ADAR: variants seen among roughly 807,000 people sequenced by gnomAD.
ADAR encodes double-stranded RNA-specific adenosine deaminase.
ADAR carries 41 observed loss-of-function variants against 113.2 expected under a neutral mutation model. The observed-to-expected ratio is 0.36, with a 90% confidence interval of 0.28 to 0.47. ADAR has a LOEUF of 0.47. Ranked by LOEUF, ADAR falls within the 20% of genes least tolerant of loss-of-function variation. ADAR has a pLI of 1.00. For missense variants in ADAR, 1,242 were observed against 1,540.9 expected (o/e 0.81, Z 3.25); for synonymous variants, 605 against 572.6 (o/e 1.06, Z -0.81).
chr1:154,614,709 C>T (rs1490626737), intron 1 of ADAR, among the ~76,000 whole-genome samples: 1 of 152,178 alleles, frequency 6.6e-6, no homozygotes, highest in African/African-American at 2.4e-5. Context: ...TCTTAATTGA[C>T]CAGTTTTTAT....
At chr1:154,616,069 G>A (rs184964942) in intron 1 of ADAR, among the ~76,000 whole-genome samples, 12 of 152,272 alleles carry the variant, frequency 7.9e-5, no homozygotes, top group Non-Finnish European at 1.8e-4. Flanking sequence ...AGCAATTAAG[G>A]GGGGAGGGGG....
intron 1 of ADAR, among the ~76,000 whole-genome samples, chr1:154,620,258 T>C (rs1698751358): frequency 6.6e-6 from 1 of 152,004 alleles, no homozygotes; most frequent in South Asian, 2.1e-4. Context: ...AATACAAACA[T>C]TAGCTGGGCA....
intron 13 of ADAR, 75 bp downstream of exon 13, chr1:154,585,678 T>A: frequency 7.7e-7 from 1 of 1,290,552 alleles, no homozygotes; most frequent in Non-Finnish European, 1.1e-6. Context: ...GCCCACAGTG[T>A]ACATTTTTCC....
chr1:154,598,110 C>A, intron 3 of ADAR, 134 bp from the exon 4 acceptor site: 1 of 1,059,246 alleles, frequency 9.4e-7, no homozygotes, highest in Non-Finnish European at 1.4e-6. Flanking sequence ...GTTAAAGGGG[C>A]TGCTGGAGCT....
At chr1:154,587,621 G>C (rs1471550700) in intron 11 of ADAR, among the ~76,000 whole-genome samples, 1 of 152,166 alleles carries the variant, frequency 6.6e-6, no homozygotes, top group South Asian at 2.1e-4. Context: ...CAATGGAGTG[G>C]ATGCGAAGAG....
chr1:154,599,363 AGT>A (rs1471831706), intron 2 of ADAR, among the ~76,000 whole-genome samples: 1 of 152,192 alleles, frequency 6.6e-6, no homozygotes. Flanking sequence ...TGTTTCTTTT[AGT>A]GTGAGTCCAA....
At chr1:154,590,877 C>T (rs1557872345) in intron 6 of ADAR, among the ~76,000 whole-genome samples, 1 of 151,962 alleles carries the variant, frequency 6.6e-6, no homozygotes, top group African/African-American at 2.4e-5. Flanking sequence ...TCACTTGAGC[C>T]CTGGAGGTCA....
At chr1:154,617,652 C>T (rs1283624516) in intron 1 of ADAR, among the ~76,000 whole-genome samples, 1 of 152,170 alleles carries the variant, frequency 6.6e-6, no homozygotes, top group Non-Finnish European at 1.5e-5. Flanking sequence ...CTAAGATGCA[C>T]TGCTTTTTAC....
rs756241513 is a variant in ADAR at position 154,597,871 on chromosome 1, C to G, written c.1891G>C (p.Glu631Gln). 11 of 1,614,062 alleles carry G rather than the reference C, an allele frequency of 6.8e-6. 1 individual carries two copies. In the South Asian group the frequency reaches 1.1e-4, roughly 16 times the overall value. ...CCTTCTTTGGACAGGAGACGGAATT[C>G]GCAGGAGTTCCCCAATTTGTGCATA... ...ECMHKLGNSC[E>Q]FRLLSKEGPA... is the part of the protein sequence containing the mutation. The change falls in exon 4 of 15, where the codon GAA becomes CAA. Residue 631 changes from glutamate (E) to glutamine (Q), a missense_variant. Glu to Gln is a conservative substitution (Grantham distance 29). This residue lies in a region of ADAR where 780 missense variants were observed against 1,057.9 expected (regional missense o/e 0.74). Coordinates refer to ENST00000368474, the MANE Select transcript of ADAR (RefSeq NM_001111.5).
intron 2 of ADAR, among the ~76,000 whole-genome samples, chr1:154,599,727 G>A (rs1697736203): frequency 1.3e-5 from 2 of 152,238 alleles, no homozygotes; most frequent in Non-Finnish European, 2.9e-5. Context: ...ATGCCCTTCA[G>A]AAGCTCCTGT....
intron 1 of ADAR, among the ~76,000 whole-genome samples, chr1:154,604,568 A>G (rs955353159): frequency 2.6e-5 from 4 of 152,184 alleles, no homozygotes; most frequent in Non-Finnish European, 5.9e-5. Context: ...ATTGTGTTTA[A>G]CAAACATGCC....
At chr1:154,616,109 C>T (rs1557902759) in intron 1 of ADAR, among the ~76,000 whole-genome samples, 1 of 152,118 alleles carries the variant, frequency 6.6e-6, no homozygotes, top group Non-Finnish European at 1.5e-5. Flanking sequence ...CAAGAGGCGA[C>T]AAGGGAGGCT....
chr1:154,596,225 TGAC>T (rs556763103), intron 6 of ADAR, among the ~76,000 whole-genome samples: 59 of 152,186 alleles, frequency 3.9e-4, no homozygotes, highest in Non-Finnish European at 6.9e-4. Flanking sequence ...TTCATTGAAA[TGAC>T]TACTTTTTCA....
chr1:154,590,138 A>AGGGGGG, intron 7 of ADAR, 46 bp downstream of exon 7: 43 of 1,173,598 alleles, frequency 3.7e-5, no homozygotes, highest in Middle Eastern at 2.1e-4. Flanking sequence ...AGGAGTTAGG[A>AGGGGGG]GGACCCCCCC....
In ADAR at chr1:154,597,916, C is replaced by A. The variant is rs570647049; in HGVS notation, c.1846G>T (p.Val616Phe). ...TGCATACACTCAAGCAGTGTGGTGA[C>A]GGGGCTCTTCCCAGAAAAGAAGGAT... ...ATSFFSGKSP[V>F]TTLLECMHKL... is the part of the protein sequence containing the mutation. The change falls in exon 4 of 15, where the codon GTC becomes TTC. Residue 616 changes from valine (V) to phenylalanine (F), a missense_variant. Transcript: ENST00000368474. 2 of 1,614,034 alleles carry A rather than the reference C, an allele frequency of 1.2e-6. No homozygotes were observed. The highest frequency in any genetic ancestry group is 1.7e-6 in the Non-Finnish European group (2 of 1,180,000).
At chr1:154,608,218 C>T (rs943868188), upstream of ADAR, 2 of 581,896 alleles carry the variant, frequency 3.4e-6, no homozygotes, top group African/African-American at 2.0e-5. Context: ...GAAAGCCTTC[C>T]CCTCCGGAAA....
At chr1:154,588,067 G>A (rs1223331082) in intron 11 of ADAR, 58 bp downstream of exon 11, 4 of 1,608,730 alleles carry the variant, frequency 2.5e-6, no homozygotes, top group East Asian at 2.2e-5. Flanking sequence ...AGAGACTTGG[G>A]GTCCCTGGAC....
chr1:154,602,645 GAAAA>G lies in ADAR; in HGVS notation c.16-23_16-20del, dbSNP rs2101646423. 2 of 1,612,604 alleles carry G rather than the reference GAAAA, an allele frequency of 1.2e-6. No homozygotes were observed. The highest frequency in any genetic ancestry group is 1.7e-5 in the Admixed American group (1 of 60,008). ...AATACCCCTGCAGAATAAGACAGTG[GAAAA>G]AGAAAATGAATTAGGGCTGCAGTGG... is the stretch of plus-strand genomic sequence containing the variant. On this transcript the variant is annotated intron_variant, in intron 1 of 14. Coordinates refer to ENST00000368474, the MANE Select transcript of ADAR (RefSeq NM_001111.5).
intron 1 of ADAR, among the ~76,000 whole-genome samples, chr1:154,622,490 G>A (rs1698816421): frequency 6.6e-6 from 1 of 152,220 alleles, no homozygotes; most frequent in Non-Finnish European, 1.5e-5. Flanking sequence ...CTGTCACCTT[G>A]TAAGTGCTTA....
Sources: gnomAD v4.1 joint callset for allele counts (sites outside exome capture counted in the v4.1 genomes callset) on GRCh38, gnomAD v4.1.1 for gene constraint, gnomAD v4.1.1 regional missense constraint, MANE v1.5 for transcripts, NCBI Gene and HGNC (gene_info 2026-07-23, HGNC 2026-07-21) for gene names.